Variants in MUSK observed in about 807,000 individuals in gnomAD.
MUSK encodes muscle, skeletal receptor tyrosine-protein kinase.
Under a neutral mutation model 88.7 loss-of-function variants are expected in MUSK, and 55 were observed. The observed-to-expected ratio is 0.62, with a 90% CI of 0.50 to 0.78. The LOEUF is 0.78. Among genes scored for constraint, MUSK ranks in the 30% least tolerant of loss-of-function variants. The pLI is 0.00. For synonymous variants in MUSK, 387 were observed against 391.9 expected (o/e 0.99, Z 0.15); for missense variants, 1,015 against 1,074.3 (o/e 0.94, Z 0.77).
chr9:110,691,244 C>T (rs1164535638), intron 3 of MUSK, among the ~76,000 whole-genome samples: 1 of 152,088 alleles, frequency 6.6e-6, no homozygotes, highest in Admixed American at 6.6e-5. Flanking sequence ...AAATCTTCAG[C>T]TTCAGTATGT....
chr9:110,759,987 G>C (rs112059248), intron 7 of MUSK, among the ~76,000 whole-genome samples: 4,213 of 152,124 alleles, frequency 0.028, 194 homozygotes, highest in African/African-American at 0.097. Flanking sequence ...AGTGAGCCAA[G>C]ATCACACCAC....
Position 110,707,648 on chromosome 9 carries a change from A to G in MUSK, c.628+10182A>G, listed in dbSNP as rs187385516. Among the ~76,000 whole-genome samples, 107 of 152,370 alleles carry G rather than the reference A, an allele frequency of 7.0e-4. 1 individual carries two copies. The highest frequency in any genetic ancestry group is 2.4e-3 in the African/African-American group (98 of 41,594). The stretch of plus-strand genomic sequence containing the variant: ...AAGCTGGAATCAAGAGAGGGCTGTC[A>G]GTCAGCAATTGCTGGTGGGAAGAGG... On this transcript the variant is annotated intron_variant, in intron 5 of 14. Coordinates refer to ENST00000374448, the MANE Select transcript of MUSK (RefSeq NM_005592.4).
chr9:110,770,368 A>G (rs1200955325), intron 9 of MUSK, among the ~76,000 whole-genome samples: 2 of 146,530 alleles, frequency 1.4e-5, no homozygotes, highest in African/African-American at 4.9e-5. Flanking sequence ...AATACTTAAT[A>G]TGATATAACT....
At chr9:110,800,170 T>C (rs1439967152) in intron 14 of MUSK, 136 bp from the exon 15 acceptor site, 2 of 789,672 alleles carry the variant, frequency 2.5e-6, no homozygotes, top group African/African-American at 3.5e-5. Flanking sequence ...ATACAAATAT[T>C]AAAAAACAAA....
chr9:110,774,601 CA>C (rs1178239107), intron 9 of MUSK, among the ~76,000 whole-genome samples: 2 of 152,062 alleles, frequency 1.3e-5, no homozygotes, highest in African/African-American at 2.4e-5. Context: ...TTATACAACC[CA>C]GGGGTGGAAC....
chr9:110,783,061 G>A (rs2077789184), intron 11 of MUSK, among the ~76,000 whole-genome samples: 1 of 152,086 alleles, frequency 6.6e-6, no homozygotes, highest in South Asian at 2.1e-4. Context: ...AATTTTGCAA[G>A]TGCCCTATTT....
chr9:110,778,392 G>A (rs372168392), intron 11 of MUSK, among the ~76,000 whole-genome samples: 1 of 152,060 alleles, frequency 6.6e-6, no homozygotes, highest in Non-Finnish European at 1.5e-5. Flanking sequence ...CAGAGCTTCT[G>A]TGGAGAAAAG....
intron 6 of MUSK, among the ~76,000 whole-genome samples, chr9:110,734,661 A>C (rs1587971016): frequency 6.6e-6 from 1 of 152,202 alleles, no homozygotes; most frequent in African/African-American, 2.4e-5. Context: ...AAGTAAAATA[A>C]TTTTCATTAA....
intron 1 of MUSK, among the ~76,000 whole-genome samples, chr9:110,681,733 T>A (rs1184923176): frequency 1.3e-5 from 2 of 151,870 alleles, no homozygotes; most frequent in Non-Finnish European, 2.9e-5. Context: ...TACCAAAAAA[T>A]AATAATAATA....
chr9:110,714,922 G>C (rs10817084), intron 5 of MUSK, among the ~76,000 whole-genome samples: 1 of 150,010 alleles, frequency 6.7e-6, no homozygotes, highest in African/African-American at 2.5e-5. Context: ...GTATAGATGA[G>C]CATCTATGTT....
chr9:110,790,153 G>A (rs1326416922), intron 14 of MUSK, among the ~76,000 whole-genome samples: 1 of 152,310 alleles, frequency 6.6e-6, no homozygotes, highest in Middle Eastern at 3.4e-3. Flanking sequence ...AGGTGAAAGT[G>A]AGCATGTCAT....
chr9:110,745,965 C>T (rs1270179962), intron 6 of MUSK, among the ~76,000 whole-genome samples: 5 of 152,214 alleles, frequency 3.3e-5, no homozygotes, highest in African/African-American at 1.2e-4. Flanking sequence ...GCTGGCCTTA[C>T]CTCAGAGCTT....
intron 5 of MUSK, among the ~76,000 whole-genome samples, chr9:110,703,008 A>C (rs2076551945): frequency 6.6e-6 from 1 of 152,192 alleles, no homozygotes; most frequent in Admixed American, 6.5e-5. Flanking sequence ...CAAGAAAAAA[A>C]AGCTAAAAGA....
chr9:110,797,721 TCA>T (rs2078032631), intron 14 of MUSK, among the ~76,000 whole-genome samples: 1 of 152,168 alleles, frequency 6.6e-6, no homozygotes, highest in South Asian at 2.1e-4. Flanking sequence ...TCATTCTTCA[TCA>T]CACAAAAATC....
intron 1 of MUSK, among the ~76,000 whole-genome samples, chr9:110,674,244 C>T (rs2075996230): frequency 6.6e-6 from 1 of 152,038 alleles, no homozygotes; most frequent in Non-Finnish European, 1.5e-5. Context: ...TTATTTCTAC[C>T]ACACAGACAC....
chr9:110,709,757 G>T (rs1309174634), intron 5 of MUSK, among the ~76,000 whole-genome samples: 1 of 152,090 alleles, frequency 6.6e-6, no homozygotes, highest in Non-Finnish European at 1.5e-5. Context: ...TAGTTTATTT[G>T]TATTAATTTT....
rs951142797 is a variant in MUSK, at chr9:110,769,068, T to A, written c.1184+985T>A. On this transcript the variant is annotated intron_variant, in intron 9 of 14. Transcript: ENST00000374448. ...TCTTGGCTAAACTTCAGTTTCCTCATCTGCACGGTAGAATTGAGAGGATTA... is the reference window on the plus strand; with the variant it reads ...TCTTGGCTAAACTTCAGTTTCCTCAACTGCACGGTAGAATTGAGAGGATTA... 2.6e-5 allele frequency among the ~76,000 whole-genome samples: 4 copies of A among 152,298 alleles called. No homozygotes were observed. The South Asian group carries it at 8.3e-4, about 32-fold the overall frequency.
In MUSK at chr9:110,773,105, C is replaced by A. The variant is rs565572011; in HGVS notation, c.1185-2683C>A. Among the ~76,000 whole-genome samples, 76 of 152,050 alleles carry A rather than the reference C, an allele frequency of 5.0e-4. 4 individuals are homozygous for A. In the South Asian group the frequency reaches 0.013, roughly 26 times the overall value. On this transcript the variant is annotated intron_variant, in intron 9 of 14. Transcript: ENST00000374448. ...AACGACATGGAATTTTATTGTCTAA[C>A]AAATATTTATTGATCTCCTTCTGGG...
intron 5 of MUSK, chr9:110,728,827 C>A: frequency 1.2e-6 from 1 of 809,204 alleles, no homozygotes; most frequent in African/African-American, 1.8e-5. Flanking sequence ...AAAGAAATAA[C>A]AAACAATGTA....
Sources: gnomAD v4.1 joint callset for allele counts (sites outside exome capture counted in the v4.1 genomes callset) on GRCh38, gnomAD v4.1.1 for gene constraint, MANE v1.5 for transcripts, NCBI Gene and HGNC (gene_info 2026-07-23, HGNC 2026-07-21) for gene names.